The following P2RX6 variants were observed in gnomAD, a reference collection of about 807,000 sequenced individuals.
P2RX6 encodes P2X purinoceptor 6.
P2RX6 carries 62 observed loss-of-function variants against 54.2 expected under a neutral mutation model. The ratio of observed to expected loss-of-function variants is 1.14; its 90% CI spans 0.93 to 1.41. P2RX6 has a LOEUF of 1.41. Ranked by LOEUF, P2RX6 falls within the 40% of genes most tolerant of loss-of-function variation. The pLI, the probability that P2RX6 is intolerant of heterozygous loss-of-function variation, is 0.00. For synonymous variants in P2RX6, 211 were observed against 231.9 expected (o/e 0.91, Z 0.82); for missense variants, 541 against 566.3 (o/e 0.96, Z 0.45).
chr22:21,014,843 C>T (rs1307422783), upstream of P2RX6, among the ~76,000 whole-genome samples: 2 of 152,164 alleles, frequency 1.3e-5, no homozygotes, highest in East Asian at 3.9e-4. Context: ...CCTCCCCGCC[C>T]TGCTGCTGCT....
rs1927889821 is a variant in P2RX6 at position 21,023,650 on chromosome 22, C to G, written c.890+32C>G. 3 of 1,490,660 alleles carry G rather than the reference C, an allele frequency of 2.0e-6. No homozygotes were observed. The Admixed American group carries it at 5.7e-5, about 28-fold the overall frequency. 92.3% of individuals were successfully genotyped at this position (1,490,660 alleles called of 1,614,324 possible). ...CCCCACTGCTCCCAGTGCCCAGCTGCTGGGCCCATCGCCCTCTCACTGTGG... is the reference window on the plus strand; with the variant it reads ...CCCCACTGCTCCCAGTGCCCAGCTGGTGGGCCCATCGCCCTCTCACTGTGG... On this transcript the variant is annotated intron_variant, in intron 8 of 11. Coordinates refer to ENST00000413302, the MANE Select transcript of P2RX6 (RefSeq NM_005446.5).
chr22:21,018,793 T>A (rs1210100581), intron 3 of P2RX6: 1 of 139,976 alleles, frequency 7.1e-6, no homozygotes, highest in Admixed American at 7.3e-5. Context: ...TTTTTTTTTT[T>A]TGTATTTTTA....
Position 21,023,334 on chromosome 22 carries a change from A to G in P2RX6, c.698A>G (p.Gln233Arg). ...TYFKHCRYEP[Q>R]FSPYCPVFRI... ...TTTAAGCACTGCCGCTATGAACCAC[A>G]ATTCAGCCCCTACTGTCCCGTGTTC... Residue 233 changes from glutamine to arginine, a missense_variant, in exon 7 of 12, where the codon CAA (glutamine) becomes CGA (arginine). Coordinates refer to ENST00000413302, the MANE Select transcript of P2RX6 (RefSeq NM_005446.5). 1 of 1,613,874 alleles carries G rather than the reference A, an allele frequency of 6.2e-7. No homozygotes were observed. Among genetic ancestry groups the G allele is most frequent in the Non-Finnish European group, 8.5e-7 (1 of 1,179,856 alleles).
Position 21,026,517 on chromosome 22 carries a change from C to T in P2RX6, c.1226C>T (p.Pro409Leu). 1.9e-6 allele frequency: 3 copies of T among 1,593,020 alleles called. No homozygotes were observed. The highest frequency in any genetic ancestry group is 2.6e-6 in the Non-Finnish European group (3 of 1,170,572). Residue 409 changes from proline to leucine, a missense_variant, in exon 12 of 12, where the codon CCT becomes CTT. Coordinates refer to ENST00000413302, the MANE Select transcript of P2RX6 (RefSeq NM_005446.5). This position sits in a 1 kb window ranked among gnomAD's most constrained non-coding sequence, Gnocchi z 4.0. ...LAECLRRSSA[P>L]APTATAAGSQ... is the part of the protein sequence containing the mutation. Reference sequence around the variant, plus strand: ...GAGTGCCTCAGACGGAGCTCAGCACCTGCACCCACGGCCACTGCTGCTGGG... The same window carrying T: ...GAGTGCCTCAGACGGAGCTCAGCACTTGCACCCACGGCCACTGCTGCTGGG...
At chr22:21,011,553 T>A, upstream of P2RX6, 1 of 705,886 alleles carries the variant, frequency 1.4e-6, no homozygotes, top group South Asian at 1.5e-5. Flanking sequence ...GGGCCTGGGC[T>A]CCTGCCACTC....
rs993687905 is a variant in P2RX6, at chr22:21,026,584, CA to C, written c.1294del (p.Thr432ProfsTer47). The C allele has an allele frequency of 1.3e-6, 2 of 1,589,802 alleles. No individual in the cohort carries two copies. Among genetic ancestry groups the C allele is most frequent in the Admixed American group, 1.8e-5 (1 of 56,666 alleles). ...CAGGATGGCCCTGTCCAAGTTCTGA[CA>C]CCCACTTGCCAACCCATTCCGGGAG... is the stretch of plus-strand genomic sequence containing the variant. The part of the protein sequence containing the change: ...TPGWPCPSSD[T>X]HLPTHSGSL On this transcript the variant is annotated frameshift_variant, in exon 12 of 12. Transcript: ENST00000413302. LOFTEE classifies it high-confidence loss of function. This position sits in a 1 kb window ranked among gnomAD's most constrained non-coding sequence, Gnocchi z 4.0.
chr22:21,026,968 C>A lies in P2RX6; in HGVS notation c.*351C>A, dbSNP rs1035713130. The A allele has an allele frequency of 2.3e-5, 7 of 310,094 alleles. 1 individual carries two copies. The South Asian group carries it at 3.4e-4, about 15-fold the overall frequency. 19.2% of individuals were successfully genotyped at this position (310,094 alleles called of 1,614,324 possible). On this transcript the variant is annotated 3_prime_UTR_variant, in exon 12 of 12. Transcript: ENST00000413302. The surrounding 1 kb of genome is among the most constrained non-coding windows in gnomAD (Gnocchi z 4.0). Reference sequence around the variant, plus strand: ...GTGTTCCTAGCAGAGGTATGCTTACCAGCTGTCAGCACAGACCCTCCTGCT... The same window carrying A: ...GTGTTCCTAGCAGAGGTATGCTTACAAGCTGTCAGCACAGACCCTCCTGCT...
intron 3 of P2RX6, among the ~76,000 whole-genome samples, chr22:21,020,818 C>T (rs1257912336): frequency 6.6e-6 from 1 of 151,954 alleles, no homozygotes; most frequent in Non-Finnish European, 1.5e-5. Context: ...TCTCAAACTC[C>T]TGACCTCAGG....
Position 21,026,450 on chromosome 22 carries a change from G to A in P2RX6, c.1159G>A (p.Val387Met). The change falls in exon 12 of 12, where the codon GTG (valine) becomes ATG (methionine). Residue 387 changes from valine to methionine, a missense_variant. Coordinates refer to ENST00000413302, the MANE Select transcript of P2RX6 (RefSeq NM_005446.5). The surrounding 1 kb of genome is among the most constrained non-coding windows in gnomAD (Gnocchi z 4.0). ...GGCCCCGAAAGCAACCGCCAACTCT[G>A]TGTGGAGGGAGCTGGCCCTTGCATC... ...AKAPKATANS[V>M]WRELALASQA... The A allele has an allele frequency of 6.2e-7, 1 of 1,603,672 alleles. No homozygotes were observed. The highest frequency in any genetic ancestry group is 8.5e-7 in the Non-Finnish European group (1 of 1,175,540).
upstream of P2RX6, chr22:21,014,991 A>G (rs957423395): frequency 1.6e-5 from 8 of 507,888 alleles, no homozygotes; most frequent in African/African-American, 1.4e-4. Context: ...AGGGCCCAGC[A>G]AAGGGAATGT....
intron 3 of P2RX6, 116 bp from the exon 4 acceptor site, chr22:21,022,556 GTTGT>G (rs1297914393): frequency 1.4e-5 from 9 of 664,920 alleles, no homozygotes; most frequent in Non-Finnish European, 1.7e-5. Flanking sequence ...GGGTGGTGAG[GTTGT>G]TTAAGGTGGG....
chr22:21,022,839 G>T, intron 4 of P2RX6, 88 bp downstream of exon 4: 1 of 1,462,690 alleles, frequency 6.8e-7, no homozygotes. Context: ...GGCCCTGCTC[G>T]CCTCTGTCCC....
At chr22:21,019,129 C>T (rs1342080067) in intron 3 of P2RX6, among the ~76,000 whole-genome samples, 1 of 152,176 alleles carries the variant, frequency 6.6e-6, no homozygotes, top group African/African-American at 2.4e-5. Flanking sequence ...GGACTCAGGA[C>T]ATAGTCCTGA....
Position 21,023,330 on chromosome 22 carries a change from C to G in P2RX6, c.694C>G (p.Pro232Ala), listed in dbSNP as rs1308131147. Residue 232 changes from proline (P) to alanine (A), a missense_variant, in exon 7 of 12, where the codon CCA becomes GCA. Coordinates refer to ENST00000413302, the MANE Select transcript of P2RX6 (RefSeq NM_005446.5). The stretch of plus-strand genomic sequence containing the variant: ...CTATTTTAAGCACTGCCGCTATGAA[C>G]CACAATTCAGCCCCTACTGTCCCGT... ...PTYFKHCRYE[P>A]QFSPYCPVFR... The G allele has an allele frequency of 6.2e-7, 1 of 1,613,952 alleles. No individual in the cohort carries two copies. The highest frequency in any genetic ancestry group is 8.5e-7 in the Non-Finnish European group (1 of 1,179,866).
chr22:21,010,382 C>A (rs547663438), upstream of P2RX6: 1 of 152,276 alleles, frequency 6.6e-6, no homozygotes, highest in African/African-American at 2.4e-5. Context: ...TCACTGACTC[C>A]CAGTAGTAAT....
chr22:21,020,185 G>A, intron 3 of P2RX6, among the ~76,000 whole-genome samples: 1 of 152,186 alleles, frequency 6.6e-6, no homozygotes, highest in East Asian at 1.9e-4. Context: ...CTGAAATTTG[G>A]CTGGATCTGT....
chr22:21,024,169 G>A (rs1170650354), intron 8 of P2RX6, among the ~76,000 whole-genome samples: 1 of 151,898 alleles, frequency 6.6e-6, no homozygotes, highest in Non-Finnish European at 1.5e-5. Context: ...ATGTTGGCCA[G>A]GCTGGTCTCA....
chr22:21,018,088 G>C (rs1176640903), intron 3 of P2RX6, 28 bp downstream of exon 3: 1 of 1,532,384 alleles, frequency 6.5e-7, no homozygotes, highest in Non-Finnish European at 9.0e-7. Flanking sequence ...CCTCCCAGCG[G>C]GTCCCTTGTT....
chr22:21,019,083 C>T (rs1310935370), intron 3 of P2RX6, among the ~76,000 whole-genome samples: 1 of 152,170 alleles, frequency 6.6e-6, no homozygotes, highest in Non-Finnish European at 1.5e-5. Flanking sequence ...AGAGCATGCT[C>T]ATTCTCTCCA....
Sources: allele counts gnomAD v4.1 joint callset (sites outside exome capture counted in the v4.1 genomes callset), GRCh38; gene constraint gnomAD v4.1.1; non-coding constraint Gnocchi (gnomAD v3.1); transcripts MANE v1.5; gene names NCBI Gene and HGNC (gene_info 2026-07-23, HGNC 2026-07-21).